The following PALM2AKAP2 variants were observed in gnomAD, a reference collection of about 807,000 sequenced individuals.
PALM2AKAP2 encodes the protein PALM2 and AKAP2 fusion, also known as PALM2-AKAP2 fusion protein.
PALM2AKAP2 carries 37 observed loss-of-function variants against 71.5 expected under a neutral mutation model. That is an observed-to-expected ratio of 0.52 (90% CI 0.40 to 0.68). PALM2AKAP2 has a LOEUF of 0.68. Among genes scored for constraint, PALM2AKAP2 ranks in the 30% least tolerant of loss-of-function variants. The pLI, the probability that PALM2AKAP2 is intolerant of heterozygous loss-of-function variation, is 0.00. For missense variants in PALM2AKAP2, 1,224 were observed against 1,191.8 expected (o/e 1.03, Z -0.40); for synonymous variants, 468 against 478.8 (o/e 0.98, Z 0.29).
At chr9:109,813,007 C>T (rs1013643268) in intron 1 of PALM2AKAP2, among the ~76,000 whole-genome samples, 3 of 152,220 alleles carry the variant, frequency 2.0e-5, no homozygotes, top group African/African-American at 7.2e-5. Flanking sequence ...GAAGTGAGGT[C>T]AGCACAGATT....
intron 6 of PALM2AKAP2, among the ~76,000 whole-genome samples, chr9:109,940,721 G>C (rs544099303): frequency 5.2e-4 from 79 of 152,314 alleles, no homozygotes; most frequent in African/African-American, 1.8e-3. Context: ...GCCGTGGGAG[G>C]AAGTTGAGTG....
At chr9:110,096,760 T>G (rs1260960138) in intron 1 of PALM2AKAP2, among the ~76,000 whole-genome samples, 3 of 151,702 alleles carry the variant, frequency 2.0e-5, no homozygotes, top group Non-Finnish European at 2.9e-5. Flanking sequence ...TTCCTGCTTT[T>G]TTCTGGGAAA....
intron 3 of PALM2AKAP2, among the ~76,000 whole-genome samples, chr9:109,882,653 T>G (rs2131772201): frequency 6.6e-6 from 1 of 152,256 alleles, no homozygotes; most frequent in South Asian, 2.1e-4. Flanking sequence ...TGTTTCTTTT[T>G]TTTTTAAGAG....
intron 3 of PALM2AKAP2, among the ~76,000 whole-genome samples, chr9:109,909,101 G>T (rs1329853573): frequency 6.6e-6 from 1 of 150,792 alleles, no homozygotes; most frequent in East Asian, 2.0e-4. Flanking sequence ...GTTTTATTTA[G>T]GTGAGAATAA....
At chr9:110,008,592 C>T (rs768713219) in intron 6 of PALM2AKAP2, among the ~76,000 whole-genome samples, 8 of 152,016 alleles carry the variant, frequency 5.3e-5, no homozygotes, top group Non-Finnish European at 1.0e-4. Context: ...ATGGGGAAGG[C>T]GAGTCTAGAA....
intron 1 of PALM2AKAP2, among the ~76,000 whole-genome samples, chr9:109,811,824 C>A (rs539562972): frequency 6.6e-6 from 1 of 152,378 alleles, no homozygotes; most frequent in Non-Finnish European, 1.5e-5. Flanking sequence ...CCTCCTACCT[C>A]AGCCTCCCAA....
intron 6 of PALM2AKAP2, among the ~76,000 whole-genome samples, chr9:109,971,149 T>G (rs1320023154): frequency 1.3e-5 from 2 of 152,124 alleles, no homozygotes; most frequent in African/African-American, 2.4e-5. Context: ...TTAGGGATCT[T>G]TATTTCCTGA....
At chr9:109,711,751 CT>C (rs1035742852) in intron 1 of PALM2AKAP2, among the ~76,000 whole-genome samples, 5 of 152,360 alleles carry the variant, frequency 3.3e-5, no homozygotes, top group African/African-American at 1.2e-4. Context: ...CATACATCAG[CT>C]TTTCCCTCCA....
At chr9:109,990,458 C>T (rs1832457265) in intron 6 of PALM2AKAP2, among the ~76,000 whole-genome samples, 1 of 152,166 alleles carries the variant, frequency 6.6e-6, no homozygotes, top group African/African-American at 2.4e-5. Flanking sequence ...AGTGAGCCCA[C>T]ATATTTCTGT....
intron 6 of PALM2AKAP2, among the ~76,000 whole-genome samples, chr9:109,965,619 G>GT (rs1215410502): frequency 1.3e-5 from 2 of 152,242 alleles, no homozygotes; most frequent in Non-Finnish European, 2.9e-5. Flanking sequence ...CAGAATTTCA[G>GT]TTTGGGATGA....
rs555638707 is a variant in PALM2AKAP2 at position 109,769,535 on chromosome 9, A to G, written c.6-10953A>G. ...TTTTCCTTGGAAGCCACAGAGTCCA[A>G]TAGTTTTGGACTAAGCTCAGATTCT... On this transcript the variant is annotated intron_variant, in intron 1 of 6. Transcript: ENST00000374531. 1.2e-3 allele frequency among the ~76,000 whole-genome samples: 189 copies of G among 152,348 alleles called. 1 individual carries two copies. Among genetic ancestry groups the G allele is most frequent in the African/African-American group, 4.1e-3 (172 of 41,586 alleles).
chr9:110,083,682 G>A (rs757786764), intron 1 of PALM2AKAP2, among the ~76,000 whole-genome samples: 1 of 152,124 alleles, frequency 6.6e-6, no homozygotes, highest in African/African-American at 2.4e-5. Flanking sequence ...GCTTCCAGGG[G>A]GATAAAATAG....
At chr9:110,154,263 T>C (rs1836394312) in intron 2 of PALM2AKAP2, among the ~76,000 whole-genome samples, 1 of 152,142 alleles carries the variant, frequency 6.6e-6, no homozygotes, top group Non-Finnish European at 1.5e-5. Flanking sequence ...ATGAGGAAAC[T>C]AAGATATCAA....
intron 2 of PALM2AKAP2, among the ~76,000 whole-genome samples, chr9:109,878,547 A>G (rs1020596450): frequency 6.6e-6 from 1 of 152,174 alleles, no homozygotes; most frequent in African/African-American, 2.4e-5. Flanking sequence ...AATAAAAACC[A>G]TGGTCACCTG....
intron 1 of PALM2AKAP2, among the ~76,000 whole-genome samples, chr9:109,849,617 A>G (rs1316988444): frequency 1.3e-5 from 2 of 152,110 alleles, no homozygotes; most frequent in African/African-American, 4.8e-5. Context: ...TTAGCCAGGC[A>G]TGGTGGCGTG....
intron 1 of PALM2AKAP2, among the ~76,000 whole-genome samples, chr9:110,065,848 C>T (rs1006446227): frequency 2.0e-5 from 3 of 152,126 alleles, no homozygotes; most frequent in African/African-American, 7.2e-5. Context: ...GCATAATGTC[C>T]TCAATGTTTA....
exon 4 of PALM2AKAP2, chr9:110,170,294 A>C (rs1344400984): frequency 1.3e-5 from 2 of 152,620 alleles, no homozygotes; most frequent in African/African-American, 4.8e-5. Flanking sequence ...CTCAGACCTC[A>C]CTAAAAATCA....
At chr9:109,904,631 C>T (rs1211643233) in intron 3 of PALM2AKAP2, among the ~76,000 whole-genome samples, 1 of 152,142 alleles carries the variant, frequency 6.6e-6, no homozygotes, top group Non-Finnish European at 1.5e-5. Context: ...CTCCCTTAGT[C>T]TCAGGATTTA....
intron 7 of PALM2AKAP2, among the ~76,000 whole-genome samples, chr9:110,023,634 G>A (rs1343659176): frequency 6.6e-6 from 1 of 151,188 alleles, no homozygotes; most frequent in Non-Finnish European, 1.5e-5. Flanking sequence ...TTTCTAACAA[G>A]CATTGCTTGT....
Sources: gnomAD v4.1 joint callset for allele counts (sites outside exome capture counted in the v4.1 genomes callset) on GRCh38, gnomAD v4.1.1 for gene constraint, MANE v1.5 for transcripts, NCBI Gene and HGNC (gene_info 2026-07-23, HGNC 2026-07-21) for gene names.